CDH4: variants seen among roughly 807,000 people sequenced by gnomAD.
CDH4 encodes cadherin-4.
CDH4 carries 33 observed loss-of-function variants against 86.0 expected under a neutral mutation model. The observed-to-expected ratio is 0.38, with a 90% CI of 0.29 to 0.51. The LOEUF is 0.51. Among genes scored for constraint, CDH4 ranks in the 20% least tolerant of loss-of-function variants. CDH4 has a pLI of 0.86. For missense variants in CDH4, 1,114 were observed against 1,307.4 expected (o/e 0.85, Z 2.28); for synonymous variants, 555 against 549.4 (o/e 1.01, Z -0.14).
At chr20:61,436,127 CCCTCCTCGACTAGGTCAGGACCT>C (rs368692196) in intron 2 of CDH4, among the ~76,000 whole-genome samples, 7 of 152,172 alleles carry the variant, frequency 4.6e-5, no homozygotes, top group African/African-American at 1.7e-4. Context: ...GCTGGCCCTG[CCCTCCTCGACTAGGTCAGGACCT>C]CCTAGTCTCG....
At chr20:61,752,101 G>A (rs1232163615) in intron 3 of CDH4, among the ~76,000 whole-genome samples, 1 of 152,170 alleles carries the variant, frequency 6.6e-6, no homozygotes, top group African/African-American at 2.4e-5. Context: ...GGAGGCCAAG[G>A]TGGGCAGATC....
At chr20:61,597,405 C>T (rs982397804) in intron 2 of CDH4, among the ~76,000 whole-genome samples, 6 of 152,218 alleles carry the variant, frequency 3.9e-5, no homozygotes, top group Non-Finnish European at 8.8e-5. Flanking sequence ...ACATCGTCCT[C>T]ACCACCCTCT....
intron 2 of CDH4, among the ~76,000 whole-genome samples, chr20:61,739,243 G>A (rs967631464): frequency 6.6e-6 from 1 of 152,230 alleles, no homozygotes; most frequent in East Asian, 1.9e-4. Flanking sequence ...GTTGCGGGGG[G>A]TCCCGTGAAG....
intron 2 of CDH4, chr20:61,570,698 C>T (rs1212751421): frequency 1.4e-6 from 1 of 702,198 alleles, no homozygotes; most frequent in East Asian, 2.7e-5. Context: ...GAAAGCGATG[C>T]CAAAGTCAAC....
chr20:61,668,929 C>T (rs968491469), intron 2 of CDH4, among the ~76,000 whole-genome samples: 4 of 152,224 alleles, frequency 2.6e-5, no homozygotes, highest in Admixed American at 6.5e-5. Flanking sequence ...GAGCACCGTC[C>T]GCCAGCCCCT....
At chr20:61,650,074 T>A (rs2087105856) in intron 2 of CDH4, among the ~76,000 whole-genome samples, 1 of 152,222 alleles carries the variant, frequency 6.6e-6, no homozygotes, top group East Asian at 1.9e-4. Context: ...TATCCCAGTC[T>A]TACCTGCCTC....
chr20:61,779,327 C>T (rs987594383), intron 4 of CDH4, among the ~76,000 whole-genome samples: 1 of 152,152 alleles, frequency 6.6e-6, no homozygotes, highest in African/African-American at 2.4e-5. Flanking sequence ...AGAAGTCATG[C>T]AAACCCTCGG....
chr20:61,416,012 T>A (rs1226226486), intron 2 of CDH4, among the ~76,000 whole-genome samples: 2 of 150,580 alleles, frequency 1.3e-5, no homozygotes, highest in African/African-American at 4.9e-5. Flanking sequence ...TCCTTCCTTT[T>A]TTTTTTTTTT....
chr20:61,481,258 G>A (rs915797145), intron 2 of CDH4, among the ~76,000 whole-genome samples: 3 of 152,196 alleles, frequency 2.0e-5, no homozygotes, highest in African/African-American at 7.2e-5. Flanking sequence ...GAGGGACGGA[G>A]GCCAGGGACG....
chr20:61,718,975 G>A (rs752513664), intron 2 of CDH4: 2 of 471,112 alleles, frequency 4.2e-6, no homozygotes, highest in South Asian at 3.1e-5. Context: ...CCTGCCCCCT[G>A]CCCTGCACCA....
At position 61,709,595 on chromosome 20, in the gene CDH4, T is replaced by TG. The variant is rs1171263338; in HGVS notation, c.170-33968_170-33967insG. Among the ~76,000 whole-genome samples the TG allele has an allele frequency of 6.6e-6, 1 of 151,864 alleles. No homozygotes were observed. Among genetic ancestry groups the TG allele is most frequent in the Non-Finnish European group, 1.5e-5 (1 of 67,918 alleles). On this transcript the variant is annotated intron_variant, in intron 2 of 15. Transcript: ENST00000614565. This position sits in a 1 kb window ranked among gnomAD's most constrained non-coding sequence, Gnocchi z 4.8. ...CTGGCAATTTTTGAATGACAATTTT[T>TG]TTTTTTTTATCGCTGGCTAATCACA... is the stretch of plus-strand genomic sequence containing the variant.
intron 2 of CDH4, among the ~76,000 whole-genome samples, chr20:61,611,276 A>T (rs181685426): frequency 6.6e-6 from 1 of 152,162 alleles, no homozygotes; most frequent in East Asian, 1.9e-4. Context: ...CTTTCTGGTG[A>T]CCAGTCCCAT....
intron 2 of CDH4, among the ~76,000 whole-genome samples, chr20:61,667,040 G>A (rs573998865): frequency 2.6e-5 from 4 of 152,350 alleles, no homozygotes; most frequent in South Asian, 2.1e-4. Flanking sequence ...TGTATGGACC[G>A]TGCCCTTTGG....
intron 2 of CDH4, among the ~76,000 whole-genome samples, chr20:61,323,995 C>G (rs895445946): frequency 2.6e-5 from 4 of 152,146 alleles, no homozygotes; most frequent in Admixed American, 2.0e-4. Flanking sequence ...GAGGGGAGAT[C>G]GCAAAGATGG....
intron 2 of CDH4, among the ~76,000 whole-genome samples, chr20:61,311,929 C>A (rs1368790404): frequency 6.6e-6 from 1 of 152,270 alleles, no homozygotes; most frequent in Non-Finnish European, 1.5e-5. Context: ...CCTCCTGTGC[C>A]CGAGCCTGTG....
intron 2 of CDH4, among the ~76,000 whole-genome samples, chr20:61,298,220 G>A (rs185193454): frequency 2.0e-5 from 3 of 152,302 alleles, no homozygotes; most frequent in East Asian, 3.9e-4. Context: ...ACACCAGCAC[G>A]ATGACTCAGT....
At chr20:61,488,765 C>CT (rs2085610148) in intron 2 of CDH4, among the ~76,000 whole-genome samples, 1 of 152,134 alleles carries the variant, frequency 6.6e-6, no homozygotes, top group South Asian at 2.1e-4. Context: ...CGGCTGTTCT[C>CT]TGTGTTCCTT....
intron 2 of CDH4, among the ~76,000 whole-genome samples, chr20:61,424,674 C>T (rs2085201750): frequency 6.6e-6 from 1 of 152,198 alleles, no homozygotes; most frequent in Non-Finnish European, 1.5e-5. Context: ...CTCTGGCCAG[C>T]TCCAGCTCAT....
At chr20:61,842,900 T>G (rs1012141230) in intron 4 of CDH4, among the ~76,000 whole-genome samples, 1 of 152,244 alleles carries the variant, frequency 6.6e-6, no homozygotes, top group African/African-American at 2.4e-5. Context: ...CCTCTGGGCT[T>G]CACTGTATAA....
Sources: gnomAD v4.1 joint callset for allele counts (sites outside exome capture counted in the v4.1 genomes callset) on GRCh38, gnomAD v4.1.1 for gene constraint, Gnocchi (gnomAD v3.1) non-coding constraint, MANE v1.5 for transcripts, NCBI Gene and HGNC (gene_info 2026-07-23, HGNC 2026-07-21) for gene names.